Variants in TOX observed in about 807,000 individuals in gnomAD.
The protein encoded by TOX is thymocyte selection associated high mobility group box, also known as thymocyte selection-associated high mobility group box protein TOX.
TOX carries 11 observed loss-of-function variants against 53.7 expected under a neutral mutation model. That is an observed-to-expected ratio of 0.20 (90% CI 0.13 to 0.34). TOX has a LOEUF of 0.34. TOX is among the 10% of genes least tolerant of loss of function. The pLI, the probability that TOX is intolerant of heterozygous loss-of-function variation, is 1.00. For synonymous variants in TOX, 225 were observed against 245.3 expected (o/e 0.92, Z 0.77); for missense variants, 570 against 664.6 (o/e 0.86, Z 1.56).
chr8:59,026,492 T>C (rs1454189304), intron 1 of TOX, among the ~76,000 whole-genome samples: 1 of 152,206 alleles, frequency 6.6e-6, no homozygotes, highest in Non-Finnish European at 1.5e-5. Context: ...CTTCACAGCA[T>C]TGTGCTATAG....
intron 1 of TOX, among the ~76,000 whole-genome samples, chr8:59,002,392 A>T (rs886360367): frequency 2.0e-5 from 3 of 151,170 alleles, no homozygotes; most frequent in African/African-American, 7.3e-5. Context: ...GGAGATGGAG[A>T]CCATCCTGGC....
chr8:59,048,430 A>G (rs1451939354), intron 1 of TOX, among the ~76,000 whole-genome samples: 1 of 152,148 alleles, frequency 6.6e-6, no homozygotes, highest in Non-Finnish European at 1.5e-5. Flanking sequence ...CCCCTTTTTT[A>G]TCTGTGAAGA....
At position 59,021,481 on chromosome 8, in the gene TOX, A is replaced by AAAAAATAT. The variant is rs59174995; in HGVS notation, c.103-61474_103-61473insATATTTTT. Among the ~76,000 whole-genome samples the AAAAAATAT allele has an allele frequency of 5.9e-4, 38 of 64,718 alleles. 1 individual carries two copies. Among genetic ancestry groups the AAAAAATAT allele is most frequent in the African/African-American group, 1.4e-3 (27 of 18,886 alleles). The allele number at this position is 64,718 out of a possible 152,430, so 42.5% of individuals were successfully genotyped here. ...CTACAAGCAAAAAAAAAAAAAAAAA[A>AAAAAATAT]ATATATATATATATATATGCACATA... On this transcript the variant is annotated intron_variant, in intron 1 of 8. Transcript: ENST00000361421.
intron 7 of TOX, among the ~76,000 whole-genome samples, chr8:58,810,145 C>T (rs1038537426): frequency 7.9e-5 from 12 of 151,804 alleles, no homozygotes; most frequent in Non-Finnish European, 1.6e-4. Flanking sequence ...GCCACTATGC[C>T]TGGCTAATTT....
intron 1 of TOX, among the ~76,000 whole-genome samples, chr8:59,107,614 C>T (rs1804937776): frequency 6.6e-6 from 1 of 152,192 alleles, no homozygotes. Context: ...GAATGTTACA[C>T]ACTGAAAGTG....
chr8:59,069,788 T>G (rs1012136308), intron 1 of TOX, among the ~76,000 whole-genome samples: 1 of 152,156 alleles, frequency 6.6e-6, no homozygotes, highest in African/African-American at 2.4e-5. Context: ...AGCTGGGATA[T>G]GTTGTACAGT....
chr8:58,864,468 C>A (rs2129169392), intron 3 of TOX, among the ~76,000 whole-genome samples: 1 of 152,256 alleles, frequency 6.6e-6, no homozygotes, highest in Non-Finnish European at 1.5e-5. Flanking sequence ...TCACCAGTCC[C>A]CAAATATGGG....
intron 5 of TOX, among the ~76,000 whole-genome samples, chr8:58,827,350 C>G (rs1398103524): frequency 6.6e-6 from 1 of 152,130 alleles, no homozygotes; most frequent in Non-Finnish European, 1.5e-5. Flanking sequence ...GATGACAAAT[C>G]ATGTTCAATA....
At chr8:58,807,850 G>T in intron 8 of TOX, 67 bp from the exon 9 acceptor site, 1 of 1,585,424 alleles carries the variant, frequency 6.3e-7, no homozygotes, top group Non-Finnish European at 8.7e-7. Flanking sequence ...ACAATGGGGG[G>T]ATGGATGTCT....
chr8:58,865,919 C>A (rs7844006), intron 3 of TOX, among the ~76,000 whole-genome samples: 8,044 of 139,452 alleles, frequency 0.058, 756 homozygotes, highest in African/African-American at 0.2. Flanking sequence ...ACTGCAACCT[C>A]CACCTCCCAG....
chr8:59,063,849 G>A (rs1374077135), intron 1 of TOX, among the ~76,000 whole-genome samples: 5 of 151,984 alleles, frequency 3.3e-5, no homozygotes, highest in African/African-American at 1.2e-4. Flanking sequence ...ACATATCTAA[G>A]TAAAGAAAAG....
In TOX at chr8:58,838,285, G is replaced by A; in HGVS notation, c.720C>T (p.Ala240=). Residue 240 remains alanine, a synonymous_variant, in exon 5 of 9, where the codon GCC becomes GCT. Coordinates refer to ENST00000361421, the MANE Select transcript of TOX (RefSeq NM_014729.3). ...TTTTTGGTTTTTTCCCCATATCAGA[G>A]GCAGGCCGCTTCTCTCCACCATTGA... ...SKINGGEKRP[A]SDMGKKPKTP... 1.2e-6 allele frequency: 2 copies of A among 1,613,748 alleles called. No individual in the cohort carries two copies. The highest frequency in any genetic ancestry group is 1.3e-5 in the African/African-American group (1 of 74,984).
At chr8:59,075,287 T>C (rs894513315) in intron 1 of TOX, among the ~76,000 whole-genome samples, 3 of 152,174 alleles carry the variant, frequency 2.0e-5, no homozygotes, top group African/African-American at 7.2e-5. Context: ...GTGAATAGTC[T>C]AAGCTGGAGG....
At chr8:58,952,608 G>T (rs1812639109) in intron 2 of TOX, among the ~76,000 whole-genome samples, 1 of 152,168 alleles carries the variant, frequency 6.6e-6, no homozygotes, top group Admixed American at 6.5e-5. Flanking sequence ...GCCTAAATAT[G>T]CTGGCATCAC....
intron 1 of TOX, among the ~76,000 whole-genome samples, chr8:58,981,553 G>A (rs1813206326): frequency 6.6e-6 from 1 of 151,958 alleles, no homozygotes; most frequent in African/African-American, 2.4e-5. Context: ...ATACAATAAT[G>A]TTTTCTGTGT....
chr8:58,958,184 A>G (rs947181200), intron 2 of TOX, among the ~76,000 whole-genome samples: 1 of 152,222 alleles, frequency 6.6e-6, no homozygotes, highest in Non-Finnish European at 1.5e-5. Flanking sequence ...TATCCAAAAC[A>G]TTCTTAGTAA....
intron 7 of TOX, 27 bp downstream of exon 7, chr8:58,815,311 C>CTCTAAGTCTAAG: frequency 6.4e-7 from 1 of 1,566,514 alleles, no homozygotes; most frequent in Non-Finnish European, 8.7e-7. Context: ...GGGGTGCACA[C>CTCTAAGTCTAAG]TCTAAGTCCA....
intron 3 of TOX, among the ~76,000 whole-genome samples, chr8:58,891,535 T>C (rs780314359): frequency 6.6e-6 from 1 of 152,054 alleles, no homozygotes; most frequent in Non-Finnish European, 1.5e-5. Context: ...ACAGTGGTGG[T>C]ATGGGGAGGG....
chr8:58,838,021 T>C, intron 5 of TOX, 60 bp downstream of exon 5: 1 of 1,531,326 alleles, frequency 6.5e-7, no homozygotes, highest in Non-Finnish European at 8.9e-7. Context: ...TGGGAGGCCA[T>C]TTCTTCAGAC....
Sources: gnomAD v4.1 joint callset for allele counts (sites outside exome capture counted in the v4.1 genomes callset) on GRCh38, gnomAD v4.1.1 for gene constraint, MANE v1.5 for transcripts, NCBI Gene and HGNC (gene_info 2026-07-23, HGNC 2026-07-21) for gene names.